Variants in TMPRSS15 observed in about 807,000 individuals in gnomAD.
TMPRSS15 encodes the protein enteropeptidase.
Under a neutral mutation model 125.3 loss-of-function variants are expected in TMPRSS15, and 128 were observed. The ratio of observed to expected loss-of-function variants is 1.02; its 90% confidence interval spans 0.89 to 1.18. The LOEUF (loss-of-function observed/expected upper bound fraction) is 1.18, where lower values mean the gene tolerates loss of function less well. Ranked by LOEUF, TMPRSS15 falls within the 50% of genes most tolerant of loss-of-function variation. TMPRSS15 has a pLI of 0.00. For synonymous variants in TMPRSS15, 446 were observed against 423.2 expected (o/e 1.05, Z -0.66); for missense variants, 1,283 against 1,212.7 (o/e 1.06, Z -0.86).
At chr21:18,442,418 C>T (rs1018887603) in intron 1 of TMPRSS15, among the ~76,000 whole-genome samples, 3 of 151,570 alleles carry the variant, frequency 2.0e-5, no homozygotes, top group Non-Finnish European at 4.4e-5. Flanking sequence ...TTTCTCCTTA[C>T]ATATATTTTT....
chr21:18,277,530 C>T (rs1039419965), intron 23 of TMPRSS15, among the ~76,000 whole-genome samples: 6 of 152,114 alleles, frequency 3.9e-5, no homozygotes, highest in South Asian at 2.1e-4. Flanking sequence ...TATGAATATA[C>T]AGTCTTTGAC....
At chr21:18,410,615 A>G (rs1473733904) in intron 1 of TMPRSS15, among the ~76,000 whole-genome samples, 1 of 150,998 alleles carries the variant, frequency 6.6e-6, no homozygotes, top group African/African-American at 2.4e-5. Context: ...AAAAAGAGCC[A>G]TGTTGAATTC....
rs576706948 is a variant in TMPRSS15 at position 18,428,781 on chromosome 21, A to G, written c.11-30452T>C. ...TTGCTGCAGGGTGGGGCGCTCATGG[A>G]GAACCTCTGCTAGGGCAGTGCAGAA... On this transcript the variant is annotated intron_variant, in intron 1 of 7. Coordinates refer to the TMPRSS15 transcript ENST00000422787. Among the ~76,000 whole-genome samples, 10 of 152,320 alleles carry G rather than the reference A, an allele frequency of 6.6e-5. No individual in the cohort carries two copies. The South Asian group carries it at 2.1e-3, about 32-fold the overall frequency.
chr21:18,437,274 G>A (rs929108024), intron 1 of TMPRSS15, among the ~76,000 whole-genome samples: 1 of 151,826 alleles, frequency 6.6e-6, no homozygotes, highest in Non-Finnish European at 1.5e-5. Flanking sequence ...CTAGCCATAT[G>A]TAGAAAGCTG....
chr21:18,406,248 T>A (rs2076151671), upstream of TMPRSS15, among the ~76,000 whole-genome samples: 1 of 151,978 alleles, frequency 6.6e-6, no homozygotes, highest in African/African-American at 2.4e-5. Flanking sequence ...CTATCCCACT[T>A]AGGGGGAAAT....
chr21:18,351,468 C>T (rs865963695), intron 10 of TMPRSS15, among the ~76,000 whole-genome samples: 3 of 152,078 alleles, frequency 2.0e-5, no homozygotes, highest in Admixed American at 6.6e-5. Context: ...GATGGGATCA[C>T]GGGGGCAATT....
chr21:18,348,562 G>A (rs1244312131), intron 10 of TMPRSS15, among the ~76,000 whole-genome samples: 1 of 152,110 alleles, frequency 6.6e-6, no homozygotes, highest in Admixed American at 6.5e-5. Flanking sequence ...CCTAAATTCA[G>A]TCAGATTTTA....
chr21:18,324,987 T>C (rs1479769242), intron 16 of TMPRSS15, among the ~76,000 whole-genome samples: 1 of 152,164 alleles, frequency 6.6e-6, no homozygotes, highest in Non-Finnish European at 1.5e-5. Context: ...AAATCAGTGA[T>C]TCAATTCAAG....
chr21:18,294,739 T>A, intron 19 of TMPRSS15, 87 bp from the exon 20 acceptor site: 3 of 1,193,064 alleles, frequency 2.5e-6, no homozygotes, highest in Non-Finnish European at 3.7e-6. Flanking sequence ...ACTTTTGCTT[T>A]AGTAAAATGG....
At chr21:18,309,035 C>T (rs1200392481) in intron 18 of TMPRSS15, among the ~76,000 whole-genome samples, 1 of 152,054 alleles carries the variant, frequency 6.6e-6, no homozygotes, top group Admixed American at 6.6e-5. Flanking sequence ...CTGTTGTGAA[C>T]AGTGCTGCAA....
At chr21:18,326,176 C>A (rs537617520) in intron 16 of TMPRSS15, among the ~76,000 whole-genome samples, 1 of 152,178 alleles carries the variant, frequency 6.6e-6, no homozygotes, top group South Asian at 2.1e-4. Context: ...CTTCAATGAA[C>A]AAAATTCAAC....
intron 12 of TMPRSS15, 68 bp downstream of exon 12, chr21:18,343,438 A>G (rs1015976520): frequency 5.1e-6 from 7 of 1,381,436 alleles, no homozygotes; most frequent in East Asian, 2.3e-5. Context: ...TTTTCACTGT[A>G]TCATTCTAAA....
chr21:18,412,410 G>A (rs551135296), intron 1 of TMPRSS15, among the ~76,000 whole-genome samples: 11 of 152,166 alleles, frequency 7.2e-5, no homozygotes, highest in Non-Finnish European at 1.3e-4. Flanking sequence ...TCTTTTCTAA[G>A]CGAAAGAATA....
rs2074879892 is a variant in TMPRSS15 at position 18,294,603 on chromosome 21, A to G, written c.2311T>C (p.Ser771Pro). 1.9e-6 allele frequency: 3 copies of G among 1,610,866 alleles called. No homozygotes were observed. Among genetic ancestry groups the G allele is most frequent in the Non-Finnish European group, 1.7e-6 (2 of 1,177,002 alleles). Residue 771 changes from serine to proline, a missense_variant and splice_region_variant, in exon 20 of 25, where the codon TCT (serine) becomes CCT (proline). By Grantham distance (74) the Ser-to-Pro change is moderately conservative (BLOSUM62 -1). Coordinates refer to ENST00000284885, the MANE Select transcript of TMPRSS15 (RefSeq NM_002772.3). ...SLIRLQCNHK[S>P]CGKKLAAQDI... ...GGGATATGACAACATATTTACTTAC[A>G]TTTATGGTTACACTGTAACCGAATC...
chr21:18,484,520 TAAAA>T (rs902863891), intron 1 of TMPRSS15, among the ~76,000 whole-genome samples: 1 of 150,258 alleles, frequency 6.7e-6, no homozygotes, highest in Non-Finnish European at 1.5e-5. Context: ...TCCTTCTCTC[TAAAA>T]AAAAAATTTT....
intron 1 of TMPRSS15, among the ~76,000 whole-genome samples, chr21:18,482,830 ATC>A (rs1979009016): frequency 6.6e-6 from 1 of 151,692 alleles, no homozygotes; most frequent in African/African-American, 2.4e-5. Flanking sequence ...ATTTTATCTT[ATC>A]TAACTTATCT....
intron 7 of TMPRSS15, among the ~76,000 whole-genome samples, chr21:18,363,041 C>T (rs1011474132): frequency 1.3e-5 from 2 of 152,104 alleles, no homozygotes; most frequent in African/African-American, 4.8e-5. Context: ...AGTTTAATTG[C>T]ATCTTAAACA....
intron 10 of TMPRSS15, among the ~76,000 whole-genome samples, chr21:18,344,977 G>T (rs192417800): frequency 3.0e-4 from 46 of 152,262 alleles, no homozygotes; most frequent in African/African-American, 1.1e-3. Flanking sequence ...TATAGGCAAT[G>T]TTGCATATAA....
At chr21:18,484,502 T>TG (rs776713906) in intron 1 of TMPRSS15, among the ~76,000 whole-genome samples, 2 of 151,830 alleles carry the variant, frequency 1.3e-5, no homozygotes, top group Non-Finnish European at 2.9e-5. Context: ...CTTCTAACCT[T>TG]GATCTTTTCC....
Sources: gnomAD v4.1 joint callset for allele counts (sites outside exome capture counted in the v4.1 genomes callset) on GRCh38, gnomAD v4.1.1 for gene constraint, MANE v1.5 for transcripts, NCBI Gene and HGNC (gene_info 2026-07-23, HGNC 2026-07-21) for gene names.